Variants in ZFYVE28 observed in about 807,000 individuals in gnomAD.
ZFYVE28 encodes lateral signaling target protein 2 homolog.
Under a neutral mutation model 82.1 loss-of-function variants are expected in ZFYVE28, and 40 were observed. The observed-to-expected ratio is 0.49, with a 90% confidence interval of 0.38 to 0.63. The LOEUF is 0.63. Among genes scored for constraint, ZFYVE28 ranks in the 30% least tolerant of loss-of-function variants. The pLI is 0.00. For synonymous variants in ZFYVE28, 612 were observed against 546.1 expected (o/e 1.12, Z -1.68); for missense variants, 1,321 against 1,242.1 (o/e 1.06, Z -0.96).
chr4:2,339,351 CTG>C lies in ZFYVE28; in HGVS notation c.521+100_521+101del. 1.5e-6 allele frequency: 2 copies of C among 1,373,236 alleles called. No individual in the cohort carries two copies. Among genetic ancestry groups the C allele is most frequent in the South Asian group, 2.8e-5 (2 of 71,984 alleles). The allele number at this position is 1,373,236 out of a possible 1,614,324, so 85.1% of individuals were successfully genotyped here. A position where few individuals can be genotyped will look rare whatever the true frequency, so the allele number is the denominator to read the frequency against. On this transcript the variant is annotated intron_variant, in intron 4 of 12. Coordinates refer to ENST00000290974, the MANE Select transcript of ZFYVE28 (RefSeq NM_020972.3). The surrounding 1 kb of genome is among the most constrained non-coding windows in gnomAD (Gnocchi z 5.0). ...CCCTGAACCTGCCTGGCTCCTCCCT[CTG>C]TGGAATTTTCCAGCTTGAAGTATCA...
At chr4:2,395,459 A>G (rs3135082) in intron 1 of ZFYVE28, among the ~76,000 whole-genome samples, 98,184 of 152,102 alleles carry the variant, frequency 0.65, 32,174 homozygotes, top group Admixed American at 0.74. Context: ...CGCTCTCCCC[A>G]CACACAGGCA....
At chr4:2,330,759 C>G in intron 6 of ZFYVE28, 1 of 1,503,898 alleles carries the variant, frequency 6.6e-7, no homozygotes, top group Non-Finnish European at 8.8e-7. Context: ...GGGGAGGGGA[C>G]AGTGTGGCAG....
At chr4:2,370,950 G>A (rs993410842) in intron 1 of ZFYVE28, among the ~76,000 whole-genome samples, 3 of 152,236 alleles carry the variant, frequency 2.0e-5, no homozygotes, top group African/African-American at 7.2e-5. Flanking sequence ...GAGAAGACAC[G>A]GTGCCCACTG....
At chr4:2,276,268 G>T (rs1736436347) in intron 8 of ZFYVE28, among the ~76,000 whole-genome samples, 1 of 152,210 alleles carries the variant, frequency 6.6e-6, no homozygotes, top group African/African-American at 2.4e-5. Flanking sequence ...GGGGGCCTGG[G>T]CCCATGGGAC....
chr4:2,367,689 G>A lies in ZFYVE28; in HGVS notation c.40-13616C>T, dbSNP rs562538410. On this transcript the variant is annotated intron_variant, in intron 1 of 12. Transcript: ENST00000290974. Reference sequence around the variant, plus strand: ...AGTGGGCAGTGGGGCCACAACAGCCGGCCCAGGATGCTCTGGCCTTTGCTT... The same window carrying A: ...AGTGGGCAGTGGGGCCACAACAGCCAGCCCAGGATGCTCTGGCCTTTGCTT... Among the ~76,000 whole-genome samples the A allele has an allele frequency of 5.3e-5, 8 of 152,310 alleles. No individual in the cohort carries two copies. In the East Asian group the frequency reaches 1.2e-3, roughly 22 times the overall value.
At chr4:2,406,533 C>T (rs1394709208) in intron 1 of ZFYVE28, 2 of 152,246 alleles carry the variant, frequency 1.3e-5, no homozygotes. Flanking sequence ...GCTTTGAGCG[C>T]CGTGCTTACC....
chr4:2,321,006 G>A (rs1718994630), intron 6 of ZFYVE28, among the ~76,000 whole-genome samples: 2 of 152,050 alleles, frequency 1.3e-5, no homozygotes, highest in African/African-American at 2.4e-5. Flanking sequence ...GCCAAGCTCC[G>A]AGTGTGCCTT....
chr4:2,297,679 G>A (rs1421047994), intron 8 of ZFYVE28, among the ~76,000 whole-genome samples: 1 of 152,268 alleles, frequency 6.6e-6, no homozygotes, highest in Non-Finnish European at 1.5e-5. Flanking sequence ...AGCAGTGACA[G>A]TGGGGTGACA....
Position 2,394,269 on chromosome 4 carries a change from C to T in ZFYVE28, c.39+24016G>A, listed in dbSNP as rs780971997. 6.6e-6 allele frequency among the ~76,000 whole-genome samples: 1 copy of T among 152,218 alleles called. No individual in the cohort carries two copies. Among genetic ancestry groups the T allele is most frequent in the Admixed American group, 6.5e-5 (1 of 15,284 alleles). On this transcript the variant is annotated intron_variant, in intron 1 of 12. Coordinates refer to ENST00000290974, the MANE Select transcript of ZFYVE28 (RefSeq NM_020972.3). The surrounding 1 kb of genome is among the most constrained non-coding windows in gnomAD (Gnocchi z 4.0). Reference sequence around the variant, plus strand: ...TAACCTTTACTTCCCCTTTGCCACACACCTCATAGATTCATGGGTTCCAGG... The same window carrying T: ...TAACCTTTACTTCCCCTTTGCCACATACCTCATAGATTCATGGGTTCCAGG...
At chr4:2,415,011 G>C (rs1732885677) in intron 1 of ZFYVE28, among the ~76,000 whole-genome samples, 1 of 152,176 alleles carries the variant, frequency 6.6e-6, no homozygotes, top group South Asian at 2.1e-4. Flanking sequence ...AGTGTTCAAA[G>C]TCAGGATAAT....
intron 1 of ZFYVE28, among the ~76,000 whole-genome samples, chr4:2,374,577 G>T (rs1324557848): frequency 6.6e-6 from 1 of 152,172 alleles, no homozygotes. Flanking sequence ...CTGCGCCACT[G>T]CACTCCAGCC....
At chr4:2,398,078 G>A (rs1488728929) in intron 1 of ZFYVE28, among the ~76,000 whole-genome samples, 1 of 152,142 alleles carries the variant, frequency 6.6e-6, no homozygotes, top group Non-Finnish European at 1.5e-5. Flanking sequence ...CAATAAGGAG[G>A]CAGCTGTCCC....
chr4:2,391,394 A>G (rs996454996), intron 1 of ZFYVE28, among the ~76,000 whole-genome samples: 10 of 150,790 alleles, frequency 6.6e-5, no homozygotes, highest in African/African-American at 2.2e-4. Flanking sequence ...CTACGTACAT[A>G]ACAGATCCCA....
chr4:2,410,504 T>A (rs529551045), intron 1 of ZFYVE28, among the ~76,000 whole-genome samples: 7 of 151,472 alleles, frequency 4.6e-5, no homozygotes, highest in East Asian at 1.9e-4. Context: ...TTATTTATTT[T>A]TATTTTTTTG....
intron 8 of ZFYVE28, among the ~76,000 whole-genome samples, chr4:2,282,182 TC>T (rs1412371093): frequency 2.0e-5 from 3 of 152,118 alleles, no homozygotes; most frequent in Non-Finnish European, 4.4e-5. Flanking sequence ...TGCCAGACAC[TC>T]CCGCACCGGC....
At chr4:2,314,772 T>C (rs1578045678) in intron 7 of ZFYVE28, among the ~76,000 whole-genome samples, 1 of 152,300 alleles carries the variant, frequency 6.6e-6, no homozygotes, top group African/African-American at 2.4e-5. Flanking sequence ...CATCATGTTC[T>C]TCAGTCTCTC....
At chr4:2,334,209 C>G (rs1578134932) in intron 6 of ZFYVE28, among the ~76,000 whole-genome samples, 1 of 152,134 alleles carries the variant, frequency 6.6e-6, no homozygotes, top group East Asian at 1.9e-4. Context: ...AGGCCCTGAG[C>G]TATTGGAGGG....
intron 10 of ZFYVE28, among the ~76,000 whole-genome samples, chr4:2,272,777 T>C (rs945511353): frequency 6.6e-6 from 1 of 152,172 alleles, no homozygotes; most frequent in Non-Finnish European, 1.5e-5. Context: ...CCGAGTCTCA[T>C]CCTTAAGAGG....
intron 2 of ZFYVE28, among the ~76,000 whole-genome samples, chr4:2,349,235 T>C (rs1242049043): frequency 6.6e-6 from 1 of 151,884 alleles, no homozygotes; most frequent in Non-Finnish European, 1.5e-5. Flanking sequence ...AGCTATCATA[T>C]GCCAAAAAGA....
Sources: allele counts gnomAD v4.1 joint callset (sites outside exome capture counted in the v4.1 genomes callset), GRCh38; gene constraint gnomAD v4.1.1; non-coding constraint Gnocchi (gnomAD v3.1); transcripts MANE v1.5; gene names NCBI Gene and HGNC (gene_info 2026-07-23, HGNC 2026-07-21).